SCNN1D: variants seen among roughly 807,000 people sequenced by gnomAD.
The protein encoded by SCNN1D is sodium channel epithelial 1 subunit delta, also known as epithelial sodium channel subunit delta.
Under a neutral mutation model 87.8 loss-of-function variants are expected in SCNN1D, and 104 were observed. That is an observed-to-expected ratio of 1.18 (90% CI 1.01 to 1.39). The LOEUF is 1.39. Among genes scored for constraint, SCNN1D ranks in the 40% most tolerant of loss-of-function variants. The probability of loss-of-function intolerance (pLI) is 0.00; values close to 1 mark genes in which losing one functional copy is unlikely to be tolerated. For synonymous variants in SCNN1D, 628 were observed against 481.2 expected (o/e 1.31, Z -3.99); for missense variants, 1,324 against 1,093.9 (o/e 1.21, Z -2.97).
chr1:1,286,176 T>G lies in SCNN1D; in HGVS notation c.809T>G (p.Leu270Arg), dbSNP rs1278241972. The change falls in exon 7 of 18, where the codon CTC becomes CGC. Residue 270 changes from leucine (L) to arginine (R), a missense_variant. Coordinates refer to ENST00000379116, the MANE Select transcript of SCNN1D (RefSeq NM_001130413.4). The part of the protein sequence containing the change: ...LVALCWQLGL[L>R]FERHWHRPVL... ...GCGCTCTGCTGGCAGCTGGGGCTCC[T>G]CTTTGAGCGTCACTGGCACCGCCCG... 5 of 1,605,152 alleles carry G rather than the reference T, an allele frequency of 3.1e-6. No individual in the cohort carries two copies. Among genetic ancestry groups the G allele is most frequent in the Non-Finnish European group, 4.2e-6 (5 of 1,178,680 alleles).
rs375401931 is a variant in SCNN1D, at chr1:1,287,995, C to G, written c.1620C>G (p.Gly540=). The change falls in exon 12 of 18, where the codon GGC becomes GGG. Residue 540 remains glycine, a synonymous_variant. Coordinates refer to ENST00000379116, the MANE Select transcript of SCNN1D (RefSeq NM_001130413.4). The part of the protein sequence containing the change: ...PYGHCTAGGE[G]VEVELLHNTS... Reference sequence around the variant, plus strand: ...GCCACTGCACCGCCGGCGGGGAAGGCGTGGAGGTGGAGCTGCTACACAACA... The same window carrying G: ...GCCACTGCACCGCCGGCGGGGAAGGGGTGGAGGTGGAGCTGCTACACAACA... The G allele has an allele frequency of 9.8e-6, 15 of 1,537,612 alleles. No homozygotes were observed. The highest frequency in any genetic ancestry group is 1.2e-5 in the Non-Finnish European group (14 of 1,139,522).
At chr1:1,290,088 C>T (rs1167779361) in intron 12 of SCNN1D, among the ~76,000 whole-genome samples, 183 bp from the exon 13 acceptor site, 18 of 134,048 alleles carry the variant, frequency 1.3e-4, no homozygotes, top group Non-Finnish European at 2.1e-4. Context: ...GTCTCTGCTC[C>T]GTCCCGTGTC....
chr1:1,285,320 G>C (rs994422425), intron 5 of SCNN1D, among the ~76,000 whole-genome samples: 1 of 152,246 alleles, frequency 6.6e-6, no homozygotes, highest in South Asian at 2.1e-4. Context: ...GGCTTCCTGG[G>C]GCCCTTGTGT....
intron 3 of SCNN1D, 188 bp from the exon 4 acceptor site, chr1:1,282,054 G>GC: frequency 1.7e-6 from 1 of 601,690 alleles, no homozygotes; most frequent in African/African-American, 1.9e-5. Flanking sequence ...TGGGGGAGAA[G>GC]CCCCAGGCCT....
At position 1,286,935 on chromosome 1, in the gene SCNN1D, T is replaced by A. The variant is rs1338332204; in HGVS notation, c.1079T>A (p.Leu360Gln). ...GACCGGGAGATCCGTCTGCAGAGGCTGAGCCACTCGGGCAGCCGGGTCAGA... is the reference window on the plus strand; with the variant it reads ...GACCGGGAGATCCGTCTGCAGAGGCAGAGCCACTCGGGCAGCCGGGTCAGA... ...HLDREIRLQR[L>Q]SHSGSRVRVG... Residue 360 changes from leucine (L) to glutamine (Q), a missense_variant, in exon 8 of 18, where the codon CTG (leucine) becomes CAG (glutamine). Leu to Gln is a moderately radical substitution (Grantham distance 113). Coordinates refer to ENST00000379116, the MANE Select transcript of SCNN1D (RefSeq NM_001130413.4). 1 of 1,612,226 alleles carries A rather than the reference T, an allele frequency of 6.2e-7. No individual in the cohort carries two copies. Among genetic ancestry groups the A allele is most frequent in the Non-Finnish European group, 8.5e-7 (1 of 1,179,810 alleles).
In SCNN1D at chr1:1,285,963, C is replaced by T. The variant is rs746032091; in HGVS notation, c.596C>T (p.Ser199Leu). ...ACGCCCCCCAGGCCGGGGCCACCAT[C>T]AGCACCACCACCACCACCCAAGGAG... The part of the protein sequence containing the change: ...AQTPPRPGPP[S>L]APPPPPKEGH... Residue 199 changes from serine to leucine, a missense_variant, in exon 7 of 18, where the codon TCA becomes TTA. By Grantham distance (145) the Ser-to-Leu change is moderately radical (BLOSUM62 -2). Transcript: ENST00000379116. 4.5e-6 allele frequency: 7 copies of T among 1,559,624 alleles called. No homozygotes were observed. Among genetic ancestry groups the T allele is most frequent in the Non-Finnish European group, 2.6e-6 (3 of 1,150,456 alleles).
Position 1,280,710 on chromosome 1 carries a change from G to A in SCNN1D, c.5+44G>A, listed in dbSNP as rs1222472861. The A allele has an allele frequency of 1.3e-5, 9 of 700,142 alleles. No individual in the cohort carries two copies. In the East Asian group the frequency reaches 2.4e-4, roughly 19 times the overall value. The allele number at this position is 700,142 out of a possible 1,614,324, so 43.4% of individuals were successfully genotyped here. A position where few individuals can be genotyped will look rare whatever the true frequency, so the allele number is the denominator to read the frequency against. On this transcript the variant is annotated intron_variant, in intron 1 of 17. Coordinates refer to ENST00000379116, the MANE Select transcript of SCNN1D (RefSeq NM_001130413.4). ...CCATCACAGCTGAGCTAGTTTTTCA[G>A]GTTAACTTTGGAATGCCCATGGCTA... is the stretch of plus-strand genomic sequence containing the variant.
chr1:1,287,771 C>T lies in SCNN1D; in HGVS notation c.1498C>T (p.Pro500Ser). 6.3e-7 allele frequency: 1 copy of T among 1,598,386 alleles called. No homozygotes were observed. The stretch of plus-strand genomic sequence containing the variant: ...CATGGTTCACGGCCGTAACCACACG[C>T]CCTTCCTGGGGCACCACAGCTTCAG... The part of the protein sequence containing the change: ...RVMVHGRNHT[P>S]FLGHHSFSVR... The change falls in exon 11 of 18, where the codon CCC (proline) becomes TCC (serine). Residue 500 changes from proline to serine, a missense_variant. Transcript: ENST00000379116.
At chr1:1,284,668 A>G (rs544581181) in intron 5 of SCNN1D, among the ~76,000 whole-genome samples, 1 of 151,972 alleles carries the variant, frequency 6.6e-6, no homozygotes, top group South Asian at 2.1e-4. Flanking sequence ...TTGGGGGTGC[A>G]TAGCGTGTGC....
intron 8 of SCNN1D, 57 bp downstream of exon 8, chr1:1,287,032 C>T: frequency 3.2e-6 from 5 of 1,583,322 alleles, no homozygotes; most frequent in Non-Finnish European, 4.3e-6. Context: ...GAGCACGGCC[C>T]TGCGCTGCTG....
Position 1,285,998 on chromosome 1 carries a change from G to C in SCNN1D, c.631G>C (p.Glu211Gln). 6.4e-7 allele frequency: 1 copy of C among 1,561,044 alleles called. No individual in the cohort carries two copies. Among genetic ancestry groups the C allele is most frequent in the African/African-American group, 1.4e-5 (1 of 73,628 alleles). Residue 211 changes from glutamate to glutamine, a missense_variant, in exon 7 of 18, where the codon GAG becomes CAG. Coordinates refer to ENST00000379116, the MANE Select transcript of SCNN1D (RefSeq NM_001130413.4). Reference protein sequence around the residue: ...PPPPPKEGHQEGLVELPASFR... With the variant: ...PPPPPKEGHQQGLVELPASFR... ...ACCACCACCCAAGGAGGGGCACCAG[G>C]AGGGGCTGGTGGAGCTGCCCGCCTC...
In SCNN1D at chr1:1,290,173, C is replaced by CTGCTCCATTCCCCGTGTCT; in HGVS notation, c.1663-98_1663-97insTGCTCCATTCCCCGTGTCT. Reference sequence around the variant, plus strand: ...CCGTGTCTCTGCTCCGTCCCGTGTCCCTGCTCCGTCCCGTGTCCCTGCTCC... The same window carrying CTGCTCCATTCCCCGTGTCT: ...CCGTGTCTCTGCTCCGTCCCGTGTCCTGCTCCATTCCCCGTGTCTCTGCTCCGTCCCGTGTCCCTGCTCC... On this transcript the variant is annotated intron_variant, in intron 12 of 17. Coordinates refer to ENST00000379116, the MANE Select transcript of SCNN1D (RefSeq NM_001130413.4). 4 of 268,876 alleles carry CTGCTCCATTCCCCGTGTCT rather than the reference C, an allele frequency of 1.5e-5. 1 individual carries two copies. The highest frequency in any genetic ancestry group is 1.3e-4 in the Admixed American group (1 of 7,688). 16.7% of individuals were successfully genotyped at this position (268,876 alleles called of 1,614,324 possible). A position where few individuals can be genotyped will look rare whatever the true frequency, so the allele number is the denominator to read the frequency against.
Position 1,291,112 on chromosome 1 carries a change from G to T in SCNN1D, c.2024G>T (p.Arg675Leu). The T allele has an allele frequency of 6.2e-7, 1 of 1,612,188 alleles. No homozygotes were observed. The highest frequency in any genetic ancestry group is 8.5e-7 in the Non-Finnish European group (1 of 1,179,756). Reference sequence around the variant, plus strand: ...ATCGTCTACCAGGAGCTCAACTACCGCTCAGTGGAGGAGGCGCCCGTGTAC... The same window carrying T: ...ATCGTCTACCAGGAGCTCAACTACCTCTCAGTGGAGGAGGCGCCCGTGTAC... ...INIVYQELNY[R>L]SVEEAPVYSV... The change falls in exon 17 of 18, where the codon CGC (arginine) becomes CTC (leucine). Residue 675 changes from arginine to leucine, a missense_variant. Coordinates refer to ENST00000379116, the MANE Select transcript of SCNN1D (RefSeq NM_001130413.4).
In SCNN1D at chr1:1,290,292, C is replaced by T. The variant is rs762830508; in HGVS notation, c.1684C>T (p.Gln562Ter). The T allele has an allele frequency of 2.5e-6, 4 of 1,575,318 alleles. No homozygotes were observed. Among genetic ancestry groups the T allele is most frequent in the Admixed American group, 3.5e-5 (2 of 57,232 alleles). ...TRQACLVSCF[Q>*]QLMVETCSCG... ...CCAGGCCTGCCTGGTGTCCTGCTTCCAGCAGCTGATGGTGGAGACCTGCTC... is the reference window on the plus strand; with the variant it reads ...CCAGGCCTGCCTGGTGTCCTGCTTCTAGCAGCTGATGGTGGAGACCTGCTC... The change falls in exon 13 of 18, where the codon CAG (glutamine) becomes TAG (stop). Residue 562 changes from glutamine to a stop codon, truncating the protein, a stop_gained. Coordinates refer to ENST00000379116, the MANE Select transcript of SCNN1D (RefSeq NM_001130413.4). LOFTEE classifies it high-confidence loss of function.
chr1:1,282,200 G>C (rs769396924), intron 3 of SCNN1D, 42 bp from the exon 4 acceptor site: 7 of 1,153,882 alleles, frequency 6.1e-6, no homozygotes, highest in African/African-American at 1.5e-5. Flanking sequence ...TGAGTAACTC[G>C]GGAAGGCCAC....
intron 1 of SCNN1D, 34 bp from the exon 2 acceptor site, chr1:1,281,192 G>T: frequency 6.5e-7 from 1 of 1,528,662 alleles, no homozygotes; most frequent in Non-Finnish European, 8.8e-7. Flanking sequence ...TCCTGGCTGG[G>T]GTCCCACAGA....
At chr1:1,288,168 C>A in intron 12 of SCNN1D, 131 bp downstream of exon 12, 1 of 666,618 alleles carries the variant, frequency 1.5e-6, no homozygotes, top group Non-Finnish European at 2.5e-6. Context: ...CCCGTGGAGG[C>A]CCGCACTCCA....
At position 1,287,714 on chromosome 1, in the gene SCNN1D, C is replaced by T. The variant is rs776147077; in HGVS notation, c.1441C>T (p.Pro481Ser). 9 of 1,610,134 alleles carry T rather than the reference C, an allele frequency of 5.6e-6. No homozygotes were observed. Among genetic ancestry groups the T allele is most frequent in the Non-Finnish European group, 6.8e-6 (8 of 1,178,840 alleles). Residue 481 changes from proline to serine, a missense_variant, in exon 11 of 18, where the codon CCT becomes TCT. Physicochemically the swap from Pro to Ser is moderately conservative, Grantham distance 74 (BLOSUM62 -1). Coordinates refer to ENST00000379116, the MANE Select transcript of SCNN1D (RefSeq NM_001130413.4). Reference sequence around the variant, plus strand: ...CAGGGTTGAGCAGCAGCCTCACCTCCCTCTGCTGTCCACGCTGGCCGGCAT... The same window carrying T: ...CAGGGTTGAGCAGCAGCCTCACCTCTCTCTGCTGTCCACGCTGGCCGGCAT... ...VLRVEQQPHL[P>S]LLSTLAGIRV...
chr1:1,286,543 G>A (rs1640595792), intron 7 of SCNN1D, among the ~76,000 whole-genome samples: 1 of 152,138 alleles, frequency 6.6e-6, no homozygotes, highest in African/African-American at 2.4e-5. Context: ...GGGGGTGGGC[G>A]AGGCTTTCCA....
Sources: gnomAD v4.1 joint callset for allele counts (sites outside exome capture counted in the v4.1 genomes callset) on GRCh38, gnomAD v4.1.1 for gene constraint, MANE v1.5 for transcripts, NCBI Gene and HGNC (gene_info 2026-07-23, HGNC 2026-07-21) for gene names.